SMPD4: variants seen among roughly 807,000 people sequenced by gnomAD.
The protein encoded by SMPD4 is neutral sphingomyelinase 3.
In SMPD4, 58 loss-of-function variants were observed where a neutral mutation model predicts 97.8. The ratio of observed to expected loss-of-function variants is 0.59; its 90% CI spans 0.48 to 0.74. The LOEUF (loss-of-function observed/expected upper bound fraction) is 0.74, where lower values mean the gene tolerates loss of function less well. SMPD4 is among the 30% of genes least tolerant of loss of function. The pLI is 0.00. For missense variants in SMPD4, 853 were observed against 1,080.5 expected (o/e 0.79, Z 2.95); for synonymous variants, 388 against 450.0 (o/e 0.86, Z 1.74).
chr2:130,155,713 C>A (rs1264542502), intron 14 of SMPD4, among the ~76,000 whole-genome samples: 2 of 152,036 alleles, frequency 1.3e-5, no homozygotes, highest in Non-Finnish European at 2.9e-5. Context: ...TTGATCACCG[C>A]TGCTCTGTTC....
At chr2:130,181,494 C>T (rs1689632281) in intron 1 of SMPD4, 36 bp downstream of exon 1, 2 of 1,576,186 alleles carry the variant, frequency 1.3e-6, no homozygotes, top group Non-Finnish European at 1.7e-6. Context: ...CCCCAGGGCG[C>T]CGGACCGTCT....
rs145962680 is a variant in SMPD4, at chr2:130,164,398, T to C, written c.840A>G (p.Gln280=). 7.4e-5 allele frequency: 120 copies of C among 1,614,144 alleles called. No homozygotes were observed. The African/African-American group carries it at 1.4e-3, about 18-fold the overall frequency. Residue 280 remains glutamine, a synonymous_variant, in exon 10 of 20, where the codon CAA becomes CAG. Coordinates refer to ENST00000680298, the MANE Select transcript of SMPD4 (RefSeq NM_017951.5). ...CCTTGGCATGAGGGGACTGCATTTT[T>C]TGATACATCTCCAAGGAATAGTGAT... ...WLHHYSLEMY[Q]KMQSPHAKLE...
intron 1 of SMPD4, among the ~76,000 whole-genome samples, chr2:130,180,772 A>C (rs572879236): frequency 6.6e-6 from 1 of 152,326 alleles, no homozygotes; most frequent in East Asian, 1.9e-4. Flanking sequence ...AGCGACTGAA[A>C]GAATGAGGCC....
In SMPD4 at chr2:130,164,433, T is replaced by C; in HGVS notation, c.805A>G (p.Met269Val). ...SETLLQVFVE[M>V]WLHHYSLEMY... ...TCCAAGGAATAGTGATGAAGCCACA[T>C]TTCAACAAAAACCTGCAAAAAAGCA... Residue 269 changes from methionine (M) to valine (V), a missense_variant, in exon 10 of 20, where the codon ATG (methionine) becomes GTG (valine). This residue lies in a region of SMPD4 where 313 missense variants were observed against 402.2 expected (regional missense o/e 0.78). Coordinates refer to ENST00000680298, the MANE Select transcript of SMPD4 (RefSeq NM_017951.5). The C allele has an allele frequency of 1.2e-6, 2 of 1,614,090 alleles. No individual in the cohort carries two copies. Among genetic ancestry groups the C allele is most frequent in the South Asian group, 1.1e-5 (1 of 91,074 alleles).
Position 130,176,566 on chromosome 2 carries a change from G to A in SMPD4, c.27C>T (p.Pro9=), listed in dbSNP as rs150073700. 4.6e-4 allele frequency: 744 copies of A among 1,612,474 alleles called. No homozygotes were observed. The highest frequency in any genetic ancestry group is 6.0e-4 in the Non-Finnish European group (707 of 1,179,370). The change falls in exon 2 of 20, where the codon CCC becomes CCT. Residue 9 remains proline, a synonymous_variant. Transcript: ENST00000680298. ...AGTTGATATTTACCAGTAGAAAGCT[G>A]GGCTGCTGCAGGTGAGGGAACGCCA... is the stretch of plus-strand genomic sequence containing the variant. The part of the protein sequence containing the change: MAFPHLQQ[P]SFLLASLKAD...
intron 11 of SMPD4, chr2:130,159,759 G>A (rs1212204997): frequency 6.6e-6 from 1 of 152,082 alleles, no homozygotes; most frequent in African/African-American, 2.4e-5. Flanking sequence ...TCCTCCTCCA[G>A]TCTCAGCCCA....
Position 130,152,844 on chromosome 2 carries a change from A to G in SMPD4, c.2195T>C (p.Phe732Ser). The change falls in exon 20 of 20, where the codon TTC becomes TCC. Residue 732 changes from phenylalanine to serine, a missense_variant. Physicochemically the swap from Phe to Ser is radical, Grantham distance 155. This residue lies in a region of SMPD4 where 511 missense variants were observed against 608.1 expected (regional missense o/e 0.84). Coordinates refer to ENST00000680298, the MANE Select transcript of SMPD4 (RefSeq NM_017951.5). ...QMAALCSRDD[F>S]LGSFCRYHLT... ...GTGGTAGCGACAGAAGCTGCCGAGG[A>G]AGTCATCCCGGGAACACAGAGCCGC... The G allele has an allele frequency of 6.3e-7, 1 of 1,594,452 alleles. No homozygotes were observed. Among genetic ancestry groups the G allele is most frequent in the African/African-American group, 1.3e-5 (1 of 74,558 alleles).
At chr2:130,153,280 G>A (rs1179354372) in intron 18 of SMPD4, 39 bp downstream of exon 18, 1 of 1,613,344 alleles carries the variant, frequency 6.2e-7, no homozygotes, top group Admixed American at 1.7e-5. Context: ...GGACGGGTCA[G>A]GGCCCAGCCT....
intron 3 of SMPD4, among the ~76,000 whole-genome samples, chr2:130,173,966 TAAA>T (rs1477897298): frequency 1.9e-4 from 23 of 118,120 alleles, no homozygotes; most frequent in Middle Eastern, 3.8e-3. Context: ...GAAAAATAAA[TAAA>T]TTTAAAAAAA....
chr2:130,161,476 G>A, intron 10 of SMPD4, among the ~76,000 whole-genome samples: 1 of 152,202 alleles, frequency 6.6e-6, no homozygotes, highest in Non-Finnish European at 1.5e-5. Flanking sequence ...AGTCCCAGCA[G>A]CCGCGGGCCA....
intron 10 of SMPD4, 149 bp from the exon 11 acceptor site, chr2:130,161,421 A>G (rs537830167): frequency 3.8e-5 from 26 of 686,502 alleles, no homozygotes; most frequent in Admixed American, 3.7e-4. Context: ...AGTGAGGAGA[A>G]AAAAACAAAA....
In SMPD4 at chr2:130,152,711, A is replaced by T. The variant is rs1384612343; in HGVS notation, c.2328T>A (p.Ser776Arg). ...GCAGCAGCGAGACCAGCGTCCGGTA[A>T]CTGCCCAGGAAGCGCAGGCTGAGCC... ...GPRLSLRFLG[S>R]YRTLVSLLLA... is the part of the protein sequence containing the mutation. The change falls in exon 20 of 20, where the codon AGT becomes AGA. Residue 776 changes from serine to arginine, a missense_variant. Physicochemically the swap from Ser to Arg is moderately radical, Grantham distance 110 (BLOSUM62 -1). Transcript: ENST00000680298. 2 of 1,580,838 alleles carry T rather than the reference A, an allele frequency of 1.3e-6. No homozygotes were observed. Among genetic ancestry groups the T allele is most frequent in the Non-Finnish European group, 1.7e-6 (2 of 1,164,704 alleles).
In SMPD4 at chr2:130,166,672, C is replaced by T. The variant is rs562409665; in HGVS notation, c.792+786G>A. Among the ~76,000 whole-genome samples the T allele has an allele frequency of 3.2e-4, 48 of 152,348 alleles. No individual in the cohort carries two copies. The South Asian group carries it at 9.9e-3, about 32-fold the overall frequency. On this transcript the variant is annotated intron_variant, in intron 9 of 19. Coordinates refer to ENST00000680298, the MANE Select transcript of SMPD4 (RefSeq NM_017951.5). ...CCAGGATCCAGCGTCAGAAGCAGCA[C>T]CTGCTGAATCTCTCTGTGTGCCTAG...
chr2:130,179,618 C>G (rs1441457391), intron 1 of SMPD4, among the ~76,000 whole-genome samples: 1 of 151,720 alleles, frequency 6.6e-6, no homozygotes, highest in Non-Finnish European at 1.5e-5. Context: ...AATTCCTGGC[C>G]TCAAGTGATC....
At chr2:130,175,172 T>C (rs144825444) in intron 2 of SMPD4, among the ~76,000 whole-genome samples, 172 bp from the exon 3 acceptor site, 1 of 152,122 alleles carries the variant, frequency 6.6e-6, no homozygotes, top group Non-Finnish European at 1.5e-5. Context: ...AGAGTACTAC[T>C]AGGAGAGGCC....
rs183462533 is a variant in SMPD4 at position 130,167,080 on chromosome 2, C to T, written c.792+378G>A. On this transcript the variant is annotated intron_variant, in intron 9 of 19. Coordinates refer to ENST00000680298, the MANE Select transcript of SMPD4 (RefSeq NM_017951.5). The stretch of plus-strand genomic sequence containing the variant: ...CCGGGCTGAGGGGCCGCCTCTGGGA[C>T]TCTGCCCCACATAGTGGAAGGTGGC... Among the ~76,000 whole-genome samples the T allele has an allele frequency of 2.3e-3, 356 of 152,168 alleles. 3 individuals are homozygous for T. The Middle Eastern group carries it at 0.041, about 18-fold the overall frequency.
chr2:130,179,304 G>T (rs916706418), intron 1 of SMPD4, among the ~76,000 whole-genome samples: 3 of 150,774 alleles, frequency 2.0e-5, no homozygotes, highest in Non-Finnish European at 4.4e-5. Context: ...TGTATTTTTA[G>T]TAGAGACGGG....
Position 130,164,416 on chromosome 2 carries a change from A to G in SMPD4, c.822T>C (p.Tyr274=). ...GCATTTTTTGATACATCTCCAAGGA[A>G]TAGTGATGAAGCCACATTTCAACAA... ...QVFVEMWLHH[Y]SLEMYQKMQS... is the part of the protein sequence containing the mutation. Residue 274 remains tyrosine (Y), a synonymous_variant, in exon 10 of 20, where the codon TAT becomes TAC. Coordinates refer to ENST00000680298, the MANE Select transcript of SMPD4 (RefSeq NM_017951.5). 6.2e-7 allele frequency: 1 copy of G among 1,614,182 alleles called. No homozygotes were observed. Among genetic ancestry groups the G allele is most frequent in the South Asian group, 1.1e-5 (1 of 91,082 alleles).
chr2:130,178,316 C>G (rs1336517793), intron 1 of SMPD4, among the ~76,000 whole-genome samples: 2 of 152,174 alleles, frequency 1.3e-5, no homozygotes, highest in African/African-American at 2.4e-5. Context: ...GAAGGAGAGG[C>G]AGAAATGGGA....
Sources: gnomAD v4.1 joint callset for allele counts (sites outside exome capture counted in the v4.1 genomes callset) on GRCh38, gnomAD v4.1.1 for gene constraint, gnomAD v4.1.1 regional missense constraint, MANE v1.5 for transcripts, NCBI Gene and HGNC (gene_info 2026-07-23, HGNC 2026-07-21) for gene names.